Variants in TMEM108 observed in about 807,000 individuals in gnomAD.
TMEM108 encodes cancer/testis antigen 124.
Under a neutral mutation model 35.1 loss-of-function variants are expected in TMEM108, and 12 were observed. The ratio of observed to expected loss-of-function variants is 0.34; its 90% CI spans 0.22 to 0.55. TMEM108 has a LOEUF of 0.55. TMEM108 is among the 20% of genes least tolerant of loss of function. TMEM108 has a pLI of 0.89. For synonymous variants in TMEM108, 287 were observed against 308.6 expected (o/e 0.93, Z 0.73); for missense variants, 680 against 753.3 (o/e 0.90, Z 1.14).
chr3:133,329,590 A>G (rs1353562260), intron 3 of TMEM108, among the ~76,000 whole-genome samples: 1 of 152,226 alleles, frequency 6.6e-6, no homozygotes, highest in East Asian at 1.9e-4. Flanking sequence ...CAGCTTTGCT[A>G]ATCAGACAAG....
Position 133,089,363 on chromosome 3 carries a change from A to G in TMEM108, c.-47+43343A>G, listed in dbSNP as rs75181539. 2.1e-3 allele frequency among the ~76,000 whole-genome samples: 325 copies of G among 152,318 alleles called. 14 individuals carry two copies. The East Asian group carries it at 0.058, about 27-fold the overall frequency. Reference sequence around the variant, plus strand: ...TCGGTGCCTTTTCTATAATTTTAATATATTAGCATATTGAGTTTTTTATTA... The same window carrying G: ...TCGGTGCCTTTTCTATAATTTTAATGTATTAGCATATTGAGTTTTTTATTA... On this transcript the variant is annotated intron_variant, in intron 2 of 5. Transcript: ENST00000321871.
intron 3 of TMEM108, among the ~76,000 whole-genome samples, chr3:133,266,792 G>C (rs1576421999): frequency 6.6e-6 from 1 of 152,036 alleles, no homozygotes; most frequent in East Asian, 1.9e-4. Context: ...GCCCAAGGTG[G>C]CCGGGCGTGG....
At chr3:133,386,337 G>GC in intron 4 of TMEM108, 1 of 1,476,392 alleles carries the variant, frequency 6.8e-7, no homozygotes, top group Non-Finnish European at 9.1e-7. Flanking sequence ...GCTCAAACAG[G>GC]CCCGGGAAAG....
intron 2 of TMEM108, among the ~76,000 whole-genome samples, chr3:133,152,500 AGTT>A (rs1317570984): frequency 1.3e-5 from 2 of 152,272 alleles, no homozygotes; most frequent in East Asian, 3.9e-4. Context: ...CCGTCTTTAT[AGTT>A]GTTTTAGAAA....
chr3:133,174,329 G>C (rs1160767314), intron 2 of TMEM108, among the ~76,000 whole-genome samples: 1 of 152,206 alleles, frequency 6.6e-6, no homozygotes, highest in Non-Finnish European at 1.5e-5. Flanking sequence ...GAAGAGAGTA[G>C]AGGTTCTCTG....
rs536837259 is a variant in TMEM108 at position 133,101,053 on chromosome 3, C to T, written c.-47+55033C>T. Among the ~76,000 whole-genome samples, 174 of 152,220 alleles carry T rather than the reference C, an allele frequency of 1.1e-3. 1 individual carries two copies. Among genetic ancestry groups the T allele is most frequent in the South Asian group, 7.1e-3 (34 of 4,818 alleles). ...CATCATTTAGATGAACCATAATTTTCTGTGTCCTATTTTTGATTATTTAAG... is the reference window on the plus strand; with the variant it reads ...CATCATTTAGATGAACCATAATTTTTTGTGTCCTATTTTTGATTATTTAAG... On this transcript the variant is annotated intron_variant, in intron 2 of 5. Transcript: ENST00000321871.
rs561473717 is a variant in TMEM108 at position 133,319,822 on chromosome 3, G to A, written c.41-59930G>A. Among the ~76,000 whole-genome samples the A allele has an allele frequency of 6.6e-5, 10 of 152,310 alleles. No individual in the cohort carries two copies. In the South Asian group the frequency reaches 2.1e-3, roughly 32 times the overall value. Reference sequence around the variant, plus strand: ...ACAGGAAGCCCCATCCCTAGGGGAAGGGGACCCTTCATGGGACCTTCATGA... The same window carrying A: ...ACAGGAAGCCCCATCCCTAGGGGAAAGGGACCCTTCATGGGACCTTCATGA... On this transcript the variant is annotated intron_variant, in intron 3 of 5. Transcript: ENST00000321871.
chr3:133,299,879 A>G (rs984567432), intron 3 of TMEM108, among the ~76,000 whole-genome samples: 2 of 152,150 alleles, frequency 1.3e-5, no homozygotes, highest in African/African-American at 2.4e-5. Flanking sequence ...CCATTAGCAC[A>G]TTTTATTAAA....
intron 2 of TMEM108, among the ~76,000 whole-genome samples, chr3:133,052,552 A>G: frequency 6.6e-6 from 1 of 151,558 alleles, no homozygotes; most frequent in Non-Finnish European, 1.5e-5. Flanking sequence ...AAAAAAAAAA[A>G]AAAAAGTAGT....
At chr3:133,214,345 A>G (rs528154627) in intron 2 of TMEM108, among the ~76,000 whole-genome samples, 10 of 152,128 alleles carry the variant, frequency 6.6e-5, no homozygotes, top group South Asian at 6.2e-4. Context: ...TCCTTTCTCA[A>G]TCTCCTCACA....
intron 3 of TMEM108, among the ~76,000 whole-genome samples, chr3:133,292,130 T>C (rs1435957780): frequency 6.6e-6 from 1 of 151,172 alleles, no homozygotes; most frequent in Non-Finnish European, 1.5e-5. Context: ...GATGGTTGCG[T>C]AGAAGTTTAC....
Position 133,396,662 on chromosome 3 carries a change from AGGACTGCCTTTCC to A in TMEM108, c.*677_*689del, listed in dbSNP as rs1264624105. On this transcript the variant is annotated 3_prime_UTR_variant, in exon 6 of 6. Transcript: ENST00000321871. Reference sequence around the variant, plus strand: ...TAACATTACTTCCACTGCTAACAACAGGACTGCCTTTCCCTGGTGGGAAAATGCTCCCTTTATG... The same window carrying A: ...TAACATTACTTCCACTGCTAACAACACTGGTGGGAAAATGCTCCCTTTATG... 6.6e-6 allele frequency: 1 copy of A among 152,238 alleles called. No homozygotes were observed. The highest frequency in any genetic ancestry group is 2.4e-5 in the African/African-American group (1 of 41,452). 9.4% of individuals were successfully genotyped at this position (152,238 alleles called of 1,614,324 possible).
intron 2 of TMEM108, among the ~76,000 whole-genome samples, chr3:133,133,041 C>T (rs1944511543): frequency 6.6e-6 from 1 of 152,176 alleles, no homozygotes; most frequent in Non-Finnish European, 1.5e-5. Context: ...AGAGTTGCTG[C>T]TTATGGATGA....
intron 3 of TMEM108, among the ~76,000 whole-genome samples, chr3:133,334,547 G>GT (rs1216329142): frequency 6.6e-6 from 1 of 152,100 alleles, no homozygotes; most frequent in East Asian, 1.9e-4. Flanking sequence ...GCAGGAGGAG[G>GT]TGAGATGGGG....
chr3:133,252,668 A>C (rs1946487963), intron 3 of TMEM108, among the ~76,000 whole-genome samples: 1 of 152,156 alleles, frequency 6.6e-6, no homozygotes, highest in Non-Finnish European at 1.5e-5. Context: ...ACAAAAAAGA[A>C]AAGATGAAGG....
chr3:133,053,347 A>T (rs906986903), intron 2 of TMEM108, among the ~76,000 whole-genome samples: 3 of 152,252 alleles, frequency 2.0e-5, no homozygotes, highest in African/African-American at 7.2e-5. Flanking sequence ...AATCCAAGGG[A>T]GAAAGGCTTT....
At chr3:133,240,542 A>C (rs796320011) in intron 3 of TMEM108, among the ~76,000 whole-genome samples, 5 of 152,380 alleles carry the variant, frequency 3.3e-5, no homozygotes, top group African/African-American at 1.2e-4. Flanking sequence ...AGTAGTGCTC[A>C]TACTTAGGAG....
chr3:133,147,172 A>G (rs750042889), intron 2 of TMEM108, among the ~76,000 whole-genome samples: 38 of 152,246 alleles, frequency 2.5e-4, no homozygotes, highest in Non-Finnish European at 4.1e-4. Flanking sequence ...CTTTGTTCTC[A>G]TAGGTTTCAA....
chr3:133,170,317 C>T (rs1345849366), intron 2 of TMEM108, among the ~76,000 whole-genome samples: 1 of 152,076 alleles, frequency 6.6e-6, no homozygotes, highest in Non-Finnish European at 1.5e-5. Flanking sequence ...TGGAGGCCAC[C>T]CAAATGTTTT....
Sources: allele counts gnomAD v4.1 joint callset (sites outside exome capture counted in the v4.1 genomes callset), GRCh38; gene constraint gnomAD v4.1.1; transcripts MANE v1.5; gene names NCBI Gene and HGNC (gene_info 2026-07-23, HGNC 2026-07-21).